Variants in RIF1 observed in about 807,000 individuals in gnomAD.
RIF1 encodes the protein telomere-associated protein RIF1.
RIF1 carries 45 observed loss-of-function variants against 247.1 expected under a neutral mutation model. The observed-to-expected ratio is 0.18, with a 90% confidence interval of 0.14 to 0.23. The LOEUF is 0.23. Ranked by LOEUF, RIF1 falls within the 10% of genes least tolerant of loss-of-function variation. The pLI, the probability that RIF1 is intolerant of heterozygous loss-of-function variation, is 1.00. For missense variants in RIF1, 2,967 were observed against 2,862.5 expected (o/e 1.04, Z -0.83); for synonymous variants, 1,087 against 978.8 (o/e 1.11, Z -2.06).
chr2:151,523,224 A>C, the RIF1 span, among the ~76,000 whole-genome samples: 2 of 152,190 alleles, frequency 1.3e-5, no homozygotes, highest in Non-Finnish European at 2.9e-5. Flanking sequence ...AAATACTTAT[A>C]CAATTCCATT....
chr2:151,445,081 A>G lies in RIF1; in HGVS notation c.1987-257A>G, dbSNP rs116864071. On this transcript the variant is annotated intron_variant, in intron 18 of 35. Transcript: ENST00000444746. ...GGTATTGTTGTCTGTGCCTATCCAA[A>G]TTTTCCTCTTACAGAAAAGACTGTT... Among the ~76,000 whole-genome samples the G allele has an allele frequency of 2.3e-3, 353 of 152,152 alleles. 9 individuals are homozygous for G. In the East Asian group the frequency reaches 0.046, roughly 20 times the overall value.
chr2:151,513,623 G>A, the RIF1 span: 57 of 1,610,316 alleles, frequency 3.5e-5, no homozygotes, highest in South Asian at 1.9e-4. Flanking sequence ...CATAAAATCC[G>A]GAGTTTCATT....
chr2:151,475,223 A>C lies in RIF1; in HGVS notation c.*152A>C. 4.8e-6 allele frequency: 3 copies of C among 619,278 alleles called. No homozygotes were observed. Among genetic ancestry groups the C allele is most frequent in the Non-Finnish European group, 8.4e-6 (3 of 356,648 alleles). 38.4% of individuals were successfully genotyped at this position (619,278 alleles called of 1,614,324 possible). On this transcript the variant is annotated 3_prime_UTR_variant, in exon 36 of 36. Coordinates refer to ENST00000444746, the MANE Select transcript of RIF1 (RefSeq NM_018151.5). ...CTGAAGGACAGTGACTTATTATGTA[A>C]GTTCAATTTTGTAAGTTCATTATGT...
At position 151,445,618 on chromosome 2, in the gene RIF1, G is replaced by T. The variant is rs61656278; in HGVS notation, c.2094+173G>T. On this transcript the variant is annotated intron_variant, in intron 19 of 35. Transcript: ENST00000444746. Reference sequence around the variant, plus strand: ...CTTGGAGTACAGTGGTGCAATCTCAGCTTACTGCAACCTCTGCCTTCTGGG... The same window carrying T: ...CTTGGAGTACAGTGGTGCAATCTCATCTTACTGCAACCTCTGCCTTCTGGG... Among the ~76,000 whole-genome samples, 207 of 152,004 alleles carry T rather than the reference G, an allele frequency of 1.4e-3. 3 individuals carry two copies. In the East Asian group the frequency reaches 0.036, roughly 26 times the overall value.
intron 10 of RIF1, among the ~76,000 whole-genome samples, chr2:151,434,437 AT>A (rs754795986): frequency 0.2 from 20,957 of 106,422 alleles, 1,018 homozygotes; most frequent in Admixed American, 0.31. Context: ...TGGTTTTTGA[AT>A]TTTTTTTTTT....
intron 34 of RIF1, 39 bp downstream of exon 34, chr2:151,469,903 A>C: frequency 6.9e-7 from 1 of 1,451,512 alleles, no homozygotes; most frequent in Non-Finnish European, 9.4e-7. Flanking sequence ...ATATTAATAA[A>C]TGATGTAGCA....
intron 12 of RIF1, chr2:151,503,454 AT>A: frequency 6.5e-7 from 1 of 1,550,218 alleles, no homozygotes; most frequent in Non-Finnish European, 8.9e-7. Flanking sequence ...GTAGAAAATA[AT>A]TAGAATACCC....
intron 31 of RIF1, 130 bp from the exon 32 acceptor site, chr2:151,468,344 T>G (rs1412135467): frequency 3.6e-6 from 3 of 841,218 alleles, no homozygotes; most frequent in Non-Finnish European, 5.7e-6. Flanking sequence ...AGTAATTGAT[T>G]AGGTAGTAGA....
In RIF1 at chr2:151,447,410, A is replaced by G. The variant is rs150028168; in HGVS notation, c.2244+835A>G. Among the ~76,000 whole-genome samples, 356 of 152,366 alleles carry G rather than the reference A, an allele frequency of 2.3e-3. 9 individuals are homozygous for G. In the East Asian group the frequency reaches 0.046, roughly 19 times the overall value. ...ATGAAATCCTTATTGCATTTATTCCAAAGTAATTATGTAACTTTTCGTAAA... is the reference window on the plus strand; with the variant it reads ...ATGAAATCCTTATTGCATTTATTCCGAAGTAATTATGTAACTTTTCGTAAA... On this transcript the variant is annotated intron_variant, in intron 20 of 35. Coordinates refer to ENST00000444746, the MANE Select transcript of RIF1 (RefSeq NM_018151.5).
chr2:151,432,106 C>G (rs1393645557), intron 9 of RIF1, among the ~76,000 whole-genome samples: 1 of 152,028 alleles, frequency 6.6e-6, no homozygotes, highest in Non-Finnish European at 1.5e-5. Flanking sequence ...CCTCCTGGGT[C>G]CAAGCGAGTC....
rs1559296376 is a variant in RIF1 at position 151,502,869 on chromosome 2, T to TTTTC, written c.*710-161_*710-158dup. On this transcript the variant is annotated intron_variant and NMD_transcript_variant, in intron 11 of 13. Coordinates refer to the RIF1 transcript ENST00000454583. ...AGGTGTTGGGATTCCTTTCCCCAAA[T>TTTTC]TTTCTTTGTACAAAACCTGTGAGAT... is the stretch of plus-strand genomic sequence containing the variant. The TTTTC allele has an allele frequency of 3.1e-6, 5 of 1,601,764 alleles. No homozygotes were observed. The highest frequency in any genetic ancestry group is 3.4e-6 in the Non-Finnish European group (4 of 1,172,792).
intron 12 of RIF1, 103 bp downstream of exon 12, chr2:151,437,106 C>T (rs2444272): frequency 0.66 from 806,187 of 1,218,674 alleles, 268,834 homozygotes; most frequent in East Asian, 0.8. Flanking sequence ...AAATATTTTA[C>T]AGTTGTGTAT....
rs747342665 is a variant in RIF1, at chr2:151,492,491, G to T, written c.*416-2738G>T. 5.0e-6 allele frequency: 8 copies of T among 1,607,976 alleles called. No individual in the cohort carries two copies. In the Admixed American group the frequency reaches 1.2e-4, roughly 23 times the overall value. ...TGTTTCCGGAAACTATCAGAATAAA[G>T]AACCTGATGCAGGAGAGACCGTGAA... is the stretch of plus-strand genomic sequence containing the variant. On this transcript the variant is annotated intron_variant and NMD_transcript_variant, in intron 9 of 13. Coordinates refer to the RIF1 transcript ENST00000454583.
chr2:151,430,654 T>C (rs1194482635), intron 9 of RIF1, among the ~76,000 whole-genome samples: 1 of 151,982 alleles, frequency 6.6e-6, no homozygotes, highest in East Asian at 1.9e-4. Flanking sequence ...CTGGTACATT[T>C]TGGGGGCATA....
In RIF1 at chr2:151,465,091, A is replaced by T; in HGVS notation, c.5571A>T (p.Glu1857Asp). ...TTGAAAGCCAGGAGTCACCTAATGAAAATTTTAAAACTGTTGGCCCGTGTT... is the reference window on the plus strand; with the variant it reads ...TTGAAAGCCAGGAGTCACCTAATGATAATTTTAAAACTGTTGGCCCGTGTT... Reference protein sequence around the residue: ...MSLESQESPNENFKTVGPCLG... With the variant: ...MSLESQESPNDNFKTVGPCLG... The change falls in exon 30 of 36, where the codon GAA (glutamate) becomes GAT (aspartate). Residue 1857 changes from glutamate to aspartate, a missense_variant. Around this residue, in one of 7 missense-constraint regions of RIF1, gnomAD observed 2,028 missense variants for 1,825.6 expected, o/e 1.11. Coordinates refer to ENST00000444746, the MANE Select transcript of RIF1 (RefSeq NM_018151.5). 6.2e-7 allele frequency: 1 copy of T among 1,602,948 alleles called. No individual in the cohort carries two copies. Among genetic ancestry groups the T allele is most frequent in the South Asian group, 1.1e-5 (1 of 87,826 alleles).
chr2:151,415,380 T>C (rs1687018612), intron 4 of RIF1, among the ~76,000 whole-genome samples: 1 of 150,842 alleles, frequency 6.6e-6, no homozygotes, highest in African/African-American at 2.4e-5. Context: ...TATCATTACC[T>C]ACACATAGCT....
intron 9 of RIF1, among the ~76,000 whole-genome samples, chr2:151,432,474 C>A (rs1421498842): frequency 6.6e-6 from 1 of 152,266 alleles, no homozygotes; most frequent in East Asian, 1.9e-4. Flanking sequence ...AGTCCTGAAT[C>A]TAAATGAATC....
intron 2 of RIF1, 24 bp from the exon 3 acceptor site, chr2:151,411,236 C>T: frequency 4.2e-6 from 6 of 1,426,622 alleles, no homozygotes; most frequent in Non-Finnish European, 4.9e-6. Flanking sequence ...ACTACTTAAA[C>T]TTGTGTTCTT....
At position 151,477,174 on chromosome 2, in the gene RIF1, A is replaced by G. The variant is rs957580021; in HGVS notation, c.*2103A>G. 1 of 152,254 alleles carries G rather than the reference A, an allele frequency of 6.6e-6. No individual in the cohort carries two copies. Among genetic ancestry groups the G allele is most frequent in the African/African-American group, 2.4e-5 (1 of 41,478 alleles). 9.4% of individuals were successfully genotyped at this position (152,254 alleles called of 1,614,324 possible). On this transcript the variant is annotated 3_prime_UTR_variant, in exon 36 of 36. Coordinates refer to ENST00000444746, the MANE Select transcript of RIF1 (RefSeq NM_018151.5). ...CATATATTTTTGGCAACTTATTTGC[A>G]ATATTCTTGCCTTAAAGTTTCCTGC...
Sources: gnomAD v4.1 joint callset for allele counts (sites outside exome capture counted in the v4.1 genomes callset) on GRCh38, gnomAD v4.1.1 for gene constraint, gnomAD v4.1.1 regional missense constraint, MANE v1.5 for transcripts, NCBI Gene and HGNC (gene_info 2026-07-23, HGNC 2026-07-21) for gene names.